The following NCOA2 variants were observed in gnomAD, a reference collection of about 807,000 sequenced individuals.
NCOA2 encodes class E basic helix-loop-helix protein 75.
NCOA2 carries 21 observed loss-of-function variants against 145.1 expected under a neutral mutation model. That is an observed-to-expected ratio of 0.14 (90% CI 0.10 to 0.21). The LOEUF (loss-of-function observed/expected upper bound fraction) is 0.21. Ranked by LOEUF, NCOA2 falls within the 10% of genes least tolerant of loss-of-function variation. NCOA2 has a pLI of 1.00. For missense variants in NCOA2, 1,472 were observed against 1,837.6 expected (o/e 0.80, Z 3.64); for synonymous variants, 619 against 637.5 (o/e 0.97, Z 0.44).
intron 13 of NCOA2, among the ~76,000 whole-genome samples, chr8:70,143,980 A>T (rs1233198117): frequency 2.0e-5 from 3 of 152,232 alleles, no homozygotes. Flanking sequence ...GTGACTTCCA[A>T]TCTGAACTGG....
chr8:70,127,054 TC>T lies in NCOA2; in HGVS notation c.3682-8del, dbSNP rs752130676. On this transcript the variant is annotated splice_polypyrimidine_tract_variant and splice_region_variant and intron_variant, in intron 18 of 22. Transcript: ENST00000452400. ...TCTGTGCATTAATAGGTGCCTGAAA[TC>T]CGGGGCAACACATGGAGGAAAATGT... 1,234 of 1,595,180 alleles carry T rather than the reference TC, an allele frequency of 7.7e-4. 11 individuals carry two copies. In the African/African-American group the frequency reaches 0.015, roughly 19 times the overall value.
intron 4 of NCOA2, among the ~76,000 whole-genome samples, chr8:70,203,060 C>T (rs1307800667): frequency 6.6e-6 from 1 of 151,964 alleles, no homozygotes; most frequent in African/African-American, 2.4e-5. Context: ...GTCAAAAGAT[C>T]GAGACCATTC....
At chr8:70,226,644 C>A (rs990147356) in intron 2 of NCOA2, among the ~76,000 whole-genome samples, 2 of 129,586 alleles carry the variant, frequency 1.5e-5, no homozygotes, top group Non-Finnish European at 3.2e-5. Flanking sequence ...ATACTTAAAA[C>A]TTATGTTTTA....
chr8:70,194,703 C>T (rs746062626), intron 4 of NCOA2, among the ~76,000 whole-genome samples: 20 of 120,218 alleles, frequency 1.7e-4, no homozygotes, highest in Admixed American at 5.1e-4. Flanking sequence ...TTTTTCCTGA[C>T]AGGAAAAGCT....
At chr8:70,396,702 C>T (rs972591986) in intron 1 of NCOA2, among the ~76,000 whole-genome samples, 2 of 152,164 alleles carry the variant, frequency 1.3e-5, no homozygotes, top group African/African-American at 4.8e-5. Flanking sequence ...TAAATAACCT[C>T]TGTGCAGGTA....
upstream of NCOA2, among the ~76,000 whole-genome samples, chr8:70,405,170 C>T (rs1814711040): frequency 6.6e-6 from 1 of 152,128 alleles, no homozygotes; most frequent in Non-Finnish European, 1.5e-5. Context: ...CTGGTGAGCT[C>T]CAAAGCCCAT....
At chr8:70,296,487 A>G (rs1010110924) in intron 2 of NCOA2, among the ~76,000 whole-genome samples, 2 of 152,318 alleles carry the variant, frequency 1.3e-5, no homozygotes, top group South Asian at 4.1e-4. Flanking sequence ...CAACTCATCC[A>G]ATGGGTATAA....
Position 70,131,930 on chromosome 8 carries a change from T to TC in NCOA2, c.3230dup (p.Ala1078SerfsTer14). ...CCAGATACAGCTGGTCCAGGAGAGC[T>TC]CCCTCATCACTCGGAGACTCAGCTG... On this transcript the variant is annotated frameshift_variant, in exon 16 of 23. Transcript: ENST00000452400. LOFTEE classifies it high-confidence loss of function. 6.2e-7 allele frequency: 1 copy of TC among 1,610,688 alleles called. No homozygotes were observed. The highest frequency in any genetic ancestry group is 8.5e-7 in the Non-Finnish European group (1 of 1,178,606).
chr8:70,149,188 A>C (rs556774719), intron 11 of NCOA2, among the ~76,000 whole-genome samples: 1 of 152,086 alleles, frequency 6.6e-6, no homozygotes, highest in East Asian at 1.9e-4. Flanking sequence ...TTGCCCCCCA[A>C]ACATAGCACT....
At chr8:70,415,327 C>CCAAA in the NCOA2 span, among the ~76,000 whole-genome samples, 24 of 151,794 alleles carry the variant, frequency 1.6e-4, no homozygotes, top group African/African-American at 5.1e-4. Context: ...AGACTCTGTC[C>CCAAA]CAAACAAACA....
intron 13 of NCOA2, among the ~76,000 whole-genome samples, chr8:70,141,802 C>T (rs1269644461): frequency 6.6e-6 from 1 of 152,182 alleles, no homozygotes; most frequent in Non-Finnish European, 1.5e-5. Context: ...TCAATACTCT[C>T]ATTATAAACG....
chr8:70,218,206 T>TTTG (rs1819822484), intron 2 of NCOA2, among the ~76,000 whole-genome samples: 1 of 150,768 alleles, frequency 6.6e-6, no homozygotes, highest in African/African-American at 2.4e-5. Flanking sequence ...TTAGTTTTTT[T>TTTG]TTTTTTTTTT....
intron 1 of NCOA2, among the ~76,000 whole-genome samples, chr8:70,358,714 A>C (rs933460669): frequency 6.6e-6 from 1 of 152,246 alleles, no homozygotes; most frequent in African/African-American, 2.4e-5. Context: ...CTAAAAGCAA[A>C]AGCAAAGAAA....
the NCOA2 span, among the ~76,000 whole-genome samples, chr8:70,444,479 A>G: frequency 6.6e-6 from 1 of 152,234 alleles, no homozygotes; most frequent in Non-Finnish European, 1.5e-5. Context: ...AGAACTGAGT[A>G]TATACACACA....
rs1236336665 is a variant in NCOA2 at position 70,138,261 on chromosome 8, C to A, written c.3100G>T (p.Ala1034Ser). The change falls in exon 15 of 23, where the codon GCC becomes TCC. Residue 1034 changes from alanine to serine, a missense_variant. Around this residue, in one of 4 missense-constraint regions of NCOA2, gnomAD observed 953 missense variants for 1,062.1 expected, o/e 0.90. Transcript: ENST00000452400. ...SQQQAPPNQTAPWPESILPID... is the reference protein window; with the variant it reads ...SQQQAPPNQTSPWPESILPID... ...GGCAGGATGCTTTCAGGCCATGGGGCAGTCTGATTTGGAGGAGCTTGTTGT... is the reference window on the plus strand; with the variant it reads ...GGCAGGATGCTTTCAGGCCATGGGGAAGTCTGATTTGGAGGAGCTTGTTGT... The A allele has an allele frequency of 1.9e-6, 3 of 1,613,728 alleles. No homozygotes were observed. The highest frequency in any genetic ancestry group is 2.5e-6 in the Non-Finnish European group (3 of 1,179,784).
At chr8:70,213,840 T>G in intron 4 of NCOA2, 63 bp downstream of exon 4, 1 of 1,382,762 alleles carries the variant, frequency 7.2e-7, no homozygotes, top group Non-Finnish European at 9.8e-7. Context: ...CTGAAGGGAC[T>G]TCTCACACAG....
At chr8:70,241,334 T>C (rs1415386403) in intron 2 of NCOA2, among the ~76,000 whole-genome samples, 1 of 152,182 alleles carries the variant, frequency 6.6e-6, no homozygotes, top group Non-Finnish European at 1.5e-5. Flanking sequence ...TCACTCTGTT[T>C]TAACAATCTC....
intron 1 of NCOA2, among the ~76,000 whole-genome samples, chr8:70,308,746 C>T (rs574093385): frequency 1.7e-4 from 26 of 152,208 alleles, no homozygotes; most frequent in South Asian, 4.1e-4. Flanking sequence ...GGAGCTATTA[C>T]CATTTGATAT....
intron 1 of NCOA2, among the ~76,000 whole-genome samples, chr8:70,398,839 G>A (rs1198031983): frequency 6.6e-6 from 1 of 152,160 alleles, no homozygotes; most frequent in East Asian, 1.9e-4. Flanking sequence ...TGTCATCACA[G>A]CCATGGGGAC....
Sources: allele counts gnomAD v4.1 joint callset (sites outside exome capture counted in the v4.1 genomes callset), GRCh38; gene constraint gnomAD v4.1.1; regional missense constraint gnomAD v4.1.1; transcripts MANE v1.5; gene names NCBI Gene and HGNC (gene_info 2026-07-23, HGNC 2026-07-21).